The following CDH8 variants were observed in gnomAD, a reference collection of about 807,000 sequenced individuals.
The protein encoded by CDH8 is cadherin-8.
Under a neutral mutation model 68.1 loss-of-function variants are expected in CDH8, and 17 were observed. The observed-to-expected ratio is 0.25, with a 90% CI of 0.17 to 0.37. The LOEUF (loss-of-function observed/expected upper bound fraction) is 0.37, where lower values mean the gene tolerates loss of function less well. Among genes scored for constraint, CDH8 ranks in the 10% least tolerant of loss-of-function variants. The pLI, the probability that CDH8 is intolerant of heterozygous loss-of-function variation, is 1.00. For missense variants in CDH8, 763 were observed against 999.3 expected (o/e 0.76, Z 3.19); for synonymous variants, 372 against 365.1 (o/e 1.02, Z -0.21).
intron 7 of CDH8, among the ~76,000 whole-genome samples, chr16:61,796,683 A>G (rs1404439731): frequency 6.6e-6 from 1 of 152,072 alleles, no homozygotes; most frequent in African/African-American, 2.4e-5. Context: ...TCTAATCTAC[A>G]GTAGTATTTC....
At chr16:61,849,257 C>T (rs1597016146) in intron 4 of CDH8, among the ~76,000 whole-genome samples, 2 of 151,864 alleles carry the variant, frequency 1.3e-5, no homozygotes, top group South Asian at 2.1e-4. Context: ...GTTTGAAAGA[C>T]CTGTCTCCCG....
At chr16:61,766,769 T>C (rs1315718538) in intron 8 of CDH8, among the ~76,000 whole-genome samples, 1 of 152,000 alleles carries the variant, frequency 6.6e-6, no homozygotes, top group Admixed American at 6.6e-5. Flanking sequence ...GGAGATAACA[T>C]AACCTACCTA....
In CDH8 at chr16:61,726,928, A is replaced by G. The variant is rs986684861; in HGVS notation, c.1536+166T>C. The G allele has an allele frequency of 2.3e-5, 16 of 697,922 alleles. No individual in the cohort carries two copies. In the East Asian group the frequency reaches 3.5e-4, roughly 15 times the overall value. The allele number at this position is 697,922 out of a possible 1,614,324, so 43.2% of individuals were successfully genotyped here. On this transcript the variant is annotated intron_variant, in intron 9 of 11. Coordinates refer to ENST00000577390, the MANE Select transcript of CDH8 (RefSeq NM_001796.5). ...GGTCATAAGTAGGAAGAGAAATAAC[A>G]TCTGATGGAGAAAAAAAATTCCCTC...
chr16:61,887,196 G>A (rs72798770), intron 3 of CDH8, among the ~76,000 whole-genome samples: 9,216 of 151,468 alleles, frequency 0.061, 358 homozygotes, highest in South Asian at 0.1. Context: ...AAGGAATTAG[G>A]AATAAGTAGG....
chr16:61,678,692 A>T (rs1015496941), intron 10 of CDH8, among the ~76,000 whole-genome samples: 1 of 152,054 alleles, frequency 6.6e-6, no homozygotes, highest in Non-Finnish European at 1.5e-5. Flanking sequence ...ACAAGGCTAC[A>T]GTAACAAAAA....
chr16:62,011,333 G>A (rs1008934897), intron 2 of CDH8, among the ~76,000 whole-genome samples: 16 of 152,126 alleles, frequency 1.1e-4, no homozygotes, highest in African/African-American at 3.1e-4. Flanking sequence ...CTGGTGGTAG[G>A]AGCACGGGTG....
At chr16:61,723,141 T>A (rs1271201125) in intron 9 of CDH8, among the ~76,000 whole-genome samples, 1 of 150,722 alleles carries the variant, frequency 6.6e-6, no homozygotes, top group Non-Finnish European at 1.5e-5. Context: ...ACCCTAATTC[T>A]GTATATGGTA....
At chr16:61,660,545 T>A (rs1963534976) in intron 10 of CDH8, among the ~76,000 whole-genome samples, 1 of 151,650 alleles carries the variant, frequency 6.6e-6, no homozygotes, top group Non-Finnish European at 1.5e-5. Context: ...AGAAAAAATA[T>A]CATTGAAAAC....
chr16:61,965,337 A>T (rs2150573786), intron 2 of CDH8, among the ~76,000 whole-genome samples: 1 of 152,296 alleles, frequency 6.6e-6, no homozygotes, highest in Non-Finnish European at 1.5e-5. Flanking sequence ...GAGAAGGAAG[A>T]ACCAAAAGCA....
At chr16:61,788,307 C>G (rs1282847641) in intron 8 of CDH8, among the ~76,000 whole-genome samples, 2 of 152,068 alleles carry the variant, frequency 1.3e-5, no homozygotes, top group African/African-American at 2.4e-5. Context: ...AGCTGCCAGA[C>G]AGTGAGTGAA....
At chr16:61,703,940 T>C (rs1041971222) in intron 10 of CDH8, among the ~76,000 whole-genome samples, 22 of 152,198 alleles carry the variant, frequency 1.4e-4, no homozygotes, top group Non-Finnish European at 2.9e-4. Context: ...TCTGTGTGTG[T>C]AAAAGCCTCA....
At chr16:61,718,757 T>G (rs762891821) in intron 9 of CDH8, among the ~76,000 whole-genome samples, 1 of 151,250 alleles carries the variant, frequency 6.6e-6, no homozygotes, top group Admixed American at 6.6e-5. Context: ...ATTATTTACA[T>G]ATGCGCATTT....
At chr16:61,871,551 A>G (rs1371219778) in intron 3 of CDH8, among the ~76,000 whole-genome samples, 2 of 152,000 alleles carry the variant, frequency 1.3e-5, no homozygotes. Flanking sequence ...TTTATTTAAG[A>G]AGCATTTAGA....
chr16:61,754,870 C>G (rs900694556), intron 8 of CDH8, among the ~76,000 whole-genome samples: 4 of 152,120 alleles, frequency 2.6e-5, no homozygotes, highest in Non-Finnish European at 5.9e-5. Flanking sequence ...GCCCCATCAA[C>G]CAGGTAATGA....
chr16:61,731,409 G>A (rs1312103376), intron 8 of CDH8, among the ~76,000 whole-genome samples: 2 of 151,684 alleles, frequency 1.3e-5, no homozygotes, highest in East Asian at 1.9e-4. Flanking sequence ...GACCTAGGAC[G>A]CTTTTGAATA....
intron 2 of CDH8, among the ~76,000 whole-genome samples, chr16:61,983,725 G>C (rs1344871209): frequency 6.6e-6 from 1 of 151,992 alleles, no homozygotes; most frequent in Non-Finnish European, 1.5e-5. Flanking sequence ...AGAAAGGATG[G>C]CTTAAACAAT....
intron 3 of CDH8, among the ~76,000 whole-genome samples, chr16:61,859,876 C>T (rs997365453): frequency 1.3e-5 from 2 of 152,122 alleles, no homozygotes; most frequent in African/African-American, 4.8e-5. Context: ...GAGAGGGAGC[C>T]TTGCTCTGTC....
At chr16:61,888,292 A>G (rs1324890042) in intron 3 of CDH8, among the ~76,000 whole-genome samples, 1 of 152,196 alleles carries the variant, frequency 6.6e-6, no homozygotes. Flanking sequence ...AGACAGATAT[A>G]GATAGGCTCC....
At chr16:62,013,898 A>T (rs1226553243) in intron 2 of CDH8, among the ~76,000 whole-genome samples, 2 of 152,198 alleles carry the variant, frequency 1.3e-5, no homozygotes, top group Non-Finnish European at 2.9e-5. Flanking sequence ...TTTTGCTTCA[A>T]GTGGGAAAAA....
Sources: allele counts gnomAD v4.1 joint callset (sites outside exome capture counted in the v4.1 genomes callset), GRCh38; gene constraint gnomAD v4.1.1; transcripts MANE v1.5; gene names NCBI Gene and HGNC (gene_info 2026-07-23, HGNC 2026-07-21).